The following AKAP6 variants were observed in gnomAD, a reference collection of about 807,000 sequenced individuals.
AKAP6 encodes A-kinase anchor protein 6.
In AKAP6, 58 loss-of-function variants were observed where a neutral mutation model predicts 188.5. The ratio of observed to expected loss-of-function variants is 0.31; its 90% CI spans 0.25 to 0.38. The LOEUF (loss-of-function observed/expected upper bound fraction) is 0.38, where lower values mean the gene tolerates loss of function less well. Among genes scored for constraint, AKAP6 ranks in the 10% least tolerant of loss-of-function variants. AKAP6 has a pLI of 1.00. For missense variants in AKAP6, 2,710 were observed against 2,740.0 expected (o/e 0.99, Z 0.24); for synonymous variants, 989 against 998.6 (o/e 0.99, Z 0.18).
intron 7 of AKAP6, among the ~76,000 whole-genome samples, chr14:32,632,742 A>G (rs1191339480): frequency 6.6e-6 from 1 of 152,102 alleles, no homozygotes; most frequent in Non-Finnish European, 1.5e-5. Flanking sequence ...AAAACCAATC[A>G]GAGAGCATAA....
At chr14:32,387,332 A>T (rs1888565040) in intron 1 of AKAP6, among the ~76,000 whole-genome samples, 1 of 151,972 alleles carries the variant, frequency 6.6e-6, no homozygotes, top group South Asian at 2.1e-4. Context: ...TACTATGTTG[A>T]AGAGAAGTGA....
chr14:32,571,526 T>A (rs1305931587), intron 4 of AKAP6, among the ~76,000 whole-genome samples: 1 of 152,128 alleles, frequency 6.6e-6, no homozygotes, highest in African/African-American at 2.4e-5. Flanking sequence ...AGACCCTGTC[T>A]CTAAAAAATA....
chr14:32,732,703 C>G (rs1402195549), intron 10 of AKAP6, 103 bp downstream of exon 10: 5 of 1,273,894 alleles, frequency 3.9e-6, no homozygotes, highest in Non-Finnish European at 5.6e-6. Context: ...CTCTCTCTTT[C>G]AATTCACTAC....
chr14:32,497,287 C>T (rs1312170771), intron 2 of AKAP6, among the ~76,000 whole-genome samples: 1 of 152,042 alleles, frequency 6.6e-6, no homozygotes, highest in East Asian at 1.9e-4. Context: ...TCTCCTAAGT[C>T]CTGCTTTTAG....
rs779869892 is a variant in AKAP6, at chr14:32,545,811, G to T, written c.1158G>T (p.Gln386His). Reference protein sequence around the residue: ...CFNYNEDSPTQPTLPKRGLFL... With the variant: ...CFNYNEDSPTHPTLPKRGLFL... ...ATTATAACGAGGACTCTCCCACGCAGCCTACATTGCCAAAAAGAGGACTTT... is the reference window on the plus strand; with the variant it reads ...ATTATAACGAGGACTCTCCCACGCATCCTACATTGCCAAAAAGAGGACTTT... The change falls in exon 4 of 14, where the codon CAG (glutamine) becomes CAT (histidine). Residue 386 changes from glutamine (Q) to histidine (H), a missense_variant. Coordinates refer to ENST00000280979, the MANE Select transcript of AKAP6 (RefSeq NM_004274.5). The T allele has an allele frequency of 1.9e-6, 3 of 1,614,164 alleles. No individual in the cohort carries two copies. Among genetic ancestry groups the T allele is most frequent in the East Asian group, 2.2e-5 (1 of 44,886 alleles).
chr14:32,530,085 G>T (rs922597653), intron 2 of AKAP6, among the ~76,000 whole-genome samples: 1 of 150,502 alleles, frequency 6.6e-6, no homozygotes. Flanking sequence ...GGAGTACAGC[G>T]GTACGATCAT....
intron 9 of AKAP6, among the ~76,000 whole-genome samples, chr14:32,725,089 G>T (rs1218177125): frequency 7.0e-6 from 1 of 143,798 alleles, no homozygotes; most frequent in Non-Finnish European, 1.5e-5. Flanking sequence ...CTCTCCAAAT[G>T]GTTCACATGC....
intron 7 of AKAP6, among the ~76,000 whole-genome samples, chr14:32,671,505 T>TTA (rs1555350852): frequency 1.3e-5 from 2 of 151,920 alleles, no homozygotes; most frequent in East Asian, 1.9e-4. Flanking sequence ...TTTTTTTTTT[T>TTA]ACCGATGGAA....
intron 1 of AKAP6, among the ~76,000 whole-genome samples, chr14:32,377,674 A>G (rs1000857928): frequency 7.2e-5 from 11 of 152,154 alleles, no homozygotes; most frequent in African/African-American, 2.7e-4. Context: ...TTCAAGTTTC[A>G]TTTGACTATT....
chr14:32,813,390 C>A (rs115647762), intron 12 of AKAP6, among the ~76,000 whole-genome samples: 7,299 of 57,716 alleles, frequency 0.13, 319 homozygotes, highest in South Asian at 0.27. Context: ...TCTAACCCTA[C>A]CCCCCCCCCC....
At chr14:32,356,165 C>A (rs1379351746) in intron 1 of AKAP6, among the ~76,000 whole-genome samples, 1 of 152,142 alleles carries the variant, frequency 6.6e-6, no homozygotes, top group Non-Finnish European at 1.5e-5. Context: ...TTCATGAAAA[C>A]AAGAACATAT....
At chr14:32,360,912 TA>T (rs1555321288) in intron 1 of AKAP6, among the ~76,000 whole-genome samples, 2 of 151,650 alleles carry the variant, frequency 1.3e-5, no homozygotes, top group South Asian at 2.1e-4. Context: ...CCCAGCTAAT[TA>T]AAAAAAATTT....
chr14:32,570,046 T>C (rs1463745566), intron 4 of AKAP6, among the ~76,000 whole-genome samples: 1 of 151,470 alleles, frequency 6.6e-6, no homozygotes, highest in African/African-American at 2.4e-5. Flanking sequence ...ATTGACCATG[T>C]GAGGTGAAAG....
At position 32,521,201 on chromosome 14, in the gene AKAP6, C is replaced by G. The variant is rs145635588; in HGVS notation, c.325-14353C>G. ...GGGATGTATCTCAAAATAATAAGAG[C>G]TATTTATGATAAACTCACAGCCAAT... On this transcript the variant is annotated intron_variant, in intron 2 of 13. Transcript: ENST00000280979. Among the ~76,000 whole-genome samples the G allele has an allele frequency of 9.7e-3, 1,482 of 152,178 alleles. 30 individuals are homozygous for G. Among genetic ancestry groups the G allele is most frequent in the African/African-American group, 0.033 (1,377 of 41,524 alleles).
chr14:32,823,141 C>G lies in AKAP6; in HGVS notation c.5328C>G (p.Asp1776Glu). ...TGTGCATCAAAGATGAGGATGACGA[C>G]TCCAGTATTGCAACAGATGATGAAA... ...EELCIKDEDD[D>E]SSIATDDEIY... Residue 1776 changes from aspartate (D) to glutamate (E), a missense_variant, in exon 13 of 14, where the codon GAC becomes GAG. Asp to Glu is a conservative substitution (Grantham distance 45). Transcript: ENST00000280979. The G allele has an allele frequency of 6.2e-7, 1 of 1,613,774 alleles. No homozygotes were observed. The highest frequency in any genetic ancestry group is 8.5e-7 in the Non-Finnish European group (1 of 1,179,876).
rs767657354 is a variant in AKAP6, at chr14:32,823,293, G to T, written c.5480G>T (p.Gly1827Val). Residue 1827 changes from glycine (G) to valine (V), a missense_variant, in exon 13 of 14, where the codon GGC becomes GTC. Transcript: ENST00000280979. ...KRCNVSDEMK[G>V]SKDISSSEMT... ...TGCAATGTCAGTGATGAGATGAAGG[G>T]CAGTAAAGATATAAGTAGCAGTGAG... 5 of 1,613,778 alleles carry T rather than the reference G, an allele frequency of 3.1e-6. No homozygotes were observed. In the South Asian group the frequency reaches 4.4e-5, roughly 14 times the overall value.
chr14:32,794,414 G>A (rs1010054048), intron 12 of AKAP6, among the ~76,000 whole-genome samples: 2 of 152,184 alleles, frequency 1.3e-5, no homozygotes, highest in South Asian at 4.1e-4. Context: ...ATAAAAATTA[G>A]CAATGCATGG....
chr14:32,502,352 A>G (rs929192175), intron 2 of AKAP6, among the ~76,000 whole-genome samples: 2 of 152,146 alleles, frequency 1.3e-5, no homozygotes, highest in Non-Finnish European at 2.9e-5. Flanking sequence ...TTATAACACA[A>G]GTGTCCATCA....
intron 13 of AKAP6, among the ~76,000 whole-genome samples, chr14:32,826,284 A>C (rs1384063197): frequency 6.6e-6 from 1 of 152,210 alleles, no homozygotes; most frequent in East Asian, 1.9e-4. Flanking sequence ...GACTCTATTT[A>C]CAATTGGCTG....
Sources: allele counts gnomAD v4.1 joint callset (sites outside exome capture counted in the v4.1 genomes callset), GRCh38; gene constraint gnomAD v4.1.1; transcripts MANE v1.5; gene names NCBI Gene and HGNC (gene_info 2026-07-23, HGNC 2026-07-21).